FA2H: variants seen among roughly 807,000 people sequenced by gnomAD.
FA2H encodes the protein fatty acid alpha-hydroxylase.
FA2H carries 22 observed loss-of-function variants against 44.9 expected under a neutral mutation model. The observed-to-expected ratio is 0.49, with a 90% CI of 0.35 to 0.70. FA2H has a LOEUF of 0.70. Among genes scored for constraint, FA2H ranks in the 30% least tolerant of loss-of-function variants. The pLI is 0.01. For missense variants in FA2H, 501 were observed against 504.9 expected, an observed-to-expected ratio of 0.99 and a Z score of 0.07; for synonymous variants, 243 against 213.2, an observed-to-expected ratio of 1.14 and a Z score of -1.22.
intron 4 of FA2H, among the ~76,000 whole-genome samples, chr16:74,721,134 T>C (rs956869035): frequency 3.3e-5 from 5 of 152,124 alleles, no homozygotes; most frequent in Admixed American, 1.3e-4. Context: ...TTTTGAAGAA[T>C]AGCCAGACTG....
intron 5 of FA2H, among the ~76,000 whole-genome samples, chr16:74,718,621 G>C (rs908897781): frequency 1.3e-5 from 2 of 152,226 alleles, no homozygotes; most frequent in Admixed American, 1.3e-4. Context: ...CAAGCTCCAG[G>C]AGCGCAAGGC....
chr16:74,726,377 T>A, intron 3 of FA2H, 46 bp from the exon 4 acceptor site: 1 of 1,231,080 alleles, frequency 8.1e-7, no homozygotes, highest in Middle Eastern at 1.9e-4. Flanking sequence ...CACAGGAGCT[T>A]GACAGAGTAC....
intron 4 of FA2H, among the ~76,000 whole-genome samples, chr16:74,725,749 C>T (rs189437119): frequency 6.6e-6 from 1 of 152,206 alleles, no homozygotes; most frequent in Non-Finnish European, 1.5e-5. Flanking sequence ...TGGGGGTCTG[C>T]TGCCTGAGCC....
At chr16:74,759,465 G>A (rs1369474936) in intron 1 of FA2H, among the ~76,000 whole-genome samples, 1 of 152,190 alleles carries the variant, frequency 6.6e-6, no homozygotes, top group Admixed American at 6.5e-5. Flanking sequence ...AGTGGTGGAG[G>A]AAGTAAGAGT....
chr16:74,738,572 C>T (rs866583479), intron 2 of FA2H, among the ~76,000 whole-genome samples: 5 of 152,286 alleles, frequency 3.3e-5, no homozygotes, highest in African/African-American at 7.2e-5. Flanking sequence ...TGTTCAGTCC[C>T]GGTCAGCTCT....
chr16:74,714,181 T>G lies in FA2H; in HGVS notation c.*9A>C, dbSNP rs772910671. 1 of 1,541,500 alleles carries G rather than the reference T, an allele frequency of 6.5e-7. No homozygotes were observed. Among genetic ancestry groups the G allele is most frequent in the Non-Finnish European group, 8.8e-7 (1 of 1,137,900 alleles). On this transcript the variant is annotated 3_prime_UTR_variant, in exon 7 of 7. Coordinates refer to ENST00000219368, the MANE Select transcript of FA2H (RefSeq NM_024306.5). ...CGGGCTGAGGGCAGGACGGAGGGGG[T>G]GGGAGTTGTCACTGCGTCTTCAGGT... is the stretch of plus-strand genomic sequence containing the variant.
intron 4 of FA2H, among the ~76,000 whole-genome samples, chr16:74,723,402 G>A (rs1961881764): frequency 6.8e-6 from 1 of 147,984 alleles, no homozygotes; most frequent in African/African-American, 2.5e-5. Context: ...TCTCCCACAT[G>A]CTGACGACCG....
chr16:74,714,709 C>A (rs1412103734), intron 6 of FA2H, among the ~76,000 whole-genome samples: 2 of 152,168 alleles, frequency 1.3e-5, no homozygotes, highest in Admixed American at 6.5e-5. Context: ...TAGCCCTTAG[C>A]CACACATGGC....
Position 74,722,891 on chromosome 16 carries a change from A to G in FA2H, c.613+3334T>C, listed in dbSNP as rs986031362. 6.4e-4 allele frequency among the ~76,000 whole-genome samples: 92 copies of G among 143,656 alleles called. No homozygotes were observed. In the Middle Eastern group the frequency reaches 0.012, roughly 18 times the overall value. 94.2% of individuals were successfully genotyped at this position (143,656 alleles called of 152,430 possible). ...GTGCCATTGCACTCCAGCATGGGCAATAAGAGTGAAACTCCATCTCAAAAA... is the reference window on the plus strand; with the variant it reads ...GTGCCATTGCACTCCAGCATGGGCAGTAAGAGTGAAACTCCATCTCAAAAA... On this transcript the variant is annotated intron_variant, in intron 4 of 6. Transcript: ENST00000219368.
At chr16:74,755,036 C>T (rs116188504) in intron 1 of FA2H, among the ~76,000 whole-genome samples, 1,729 of 152,264 alleles carry the variant, frequency 0.011, 24 homozygotes, top group African/African-American at 0.038. Flanking sequence ...GACAGCAGCC[C>T]CCCTAGAAGC....
intron 1 of FA2H, among the ~76,000 whole-genome samples, chr16:74,745,315 C>G (rs1029752953): frequency 6.6e-6 from 1 of 152,230 alleles, no homozygotes; most frequent in African/African-American, 2.4e-5. Flanking sequence ...TGCTCACTCC[C>G]TAGTCCCCAG....
intron 1 of FA2H, among the ~76,000 whole-genome samples, chr16:74,768,896 G>A (rs1962855282): frequency 6.6e-6 from 1 of 151,934 alleles, no homozygotes; most frequent in African/African-American, 2.4e-5. Context: ...CCCAACACTA[G>A]TGGCTGACGA....
intron 2 of FA2H, among the ~76,000 whole-genome samples, chr16:74,730,832 G>A (rs1567638906): frequency 6.6e-6 from 1 of 152,290 alleles, no homozygotes; most frequent in East Asian, 1.9e-4. Context: ...CTAACTAGGC[G>A]TGTATTCTAA....
At chr16:74,720,481 C>A (rs1447220963) in intron 4 of FA2H, among the ~76,000 whole-genome samples, 1 of 151,942 alleles carries the variant, frequency 6.6e-6, no homozygotes, top group East Asian at 1.9e-4. Context: ...CAGATATGAG[C>A]CACCGTGCCC....
intron 1 of FA2H, among the ~76,000 whole-genome samples, chr16:74,742,232 C>T (rs559952037): frequency 1.3e-4 from 20 of 152,264 alleles, no homozygotes; most frequent in Non-Finnish European, 2.5e-4. Context: ...GCTGTGGGGG[C>T]GAAGCCCTGA....
chr16:74,715,184 A>G (rs1340662404), intron 6 of FA2H, among the ~76,000 whole-genome samples: 1 of 152,130 alleles, frequency 6.6e-6, no homozygotes, highest in Non-Finnish European at 1.5e-5. Context: ...AAATCTAGAT[A>G]TGGATCTAGT....
intron 1 of FA2H, among the ~76,000 whole-genome samples, chr16:74,745,070 T>A (rs1401899619): frequency 2.0e-5 from 3 of 152,184 alleles, no homozygotes; most frequent in Admixed American, 2.0e-4. Context: ...CGAACGAGAC[T>A]GTCCCAGGGC....
intron 1 of FA2H, among the ~76,000 whole-genome samples, chr16:74,769,418 G>C (rs141983197): frequency 1.5e-4 from 23 of 152,196 alleles, no homozygotes; most frequent in Non-Finnish European, 2.5e-4. Flanking sequence ...TAAAGTGCAC[G>C]TAAAAGCTTT....
intron 1 of FA2H, among the ~76,000 whole-genome samples, chr16:74,743,530 G>A (rs951909050): frequency 2.0e-5 from 3 of 152,182 alleles, no homozygotes; most frequent in Non-Finnish European, 4.4e-5. Context: ...CGCACAGAGG[G>A]GCCAGGGATT....
Sources: gnomAD v4.1 joint callset for allele counts (sites outside exome capture counted in the v4.1 genomes callset) on GRCh38, gnomAD v4.1.1 for gene constraint, MANE v1.5 for transcripts, NCBI Gene and HGNC (gene_info 2026-07-23, HGNC 2026-07-21) for gene names.